The following NLGN4X variants were observed in gnomAD, a reference collection of about 807,000 sequenced individuals.
NLGN4X encodes the protein neuroligin-4, X-linked.
Under a neutral mutation model 40.3 loss-of-function variants are expected in NLGN4X, and 3 were observed. The ratio of observed to expected loss-of-function variants is 0.07; its 90% CI spans 0.03 to 0.19. The LOEUF (loss-of-function observed/expected upper bound fraction) is 0.19. NLGN4X is among the 10% of genes least tolerant of loss of function. NLGN4X has a pLI of 1.00. For synonymous variants in NLGN4X, 270 were observed against 306.8 expected (o/e 0.88, Z 1.25); for missense variants, 382 against 708.3 (o/e 0.54, Z 5.23).
At chrX:5,920,196 T>C (rs186558297) in intron 3 of NLGN4X, among the ~76,000 whole-genome samples, 33 of 111,867 alleles carry the variant, frequency 2.9e-4, no homozygotes, top group East Asian at 2.5e-3. Context: ...GGGAAATATG[T>C]TTAAAGGGTG....
intron 2 of NLGN4X, among the ~76,000 whole-genome samples, chrX:6,082,737 C>T (rs992392290): frequency 1.8e-5 from 2 of 109,310 alleles, no homozygotes; most frequent in South Asian, 4.0e-4. Context: ...TACAACTTAT[C>T]GGAAGGCAGC....
chrX:6,058,568 C>T (rs771627506), intron 2 of NLGN4X, among the ~76,000 whole-genome samples: 6 of 111,889 alleles, frequency 5.4e-5, no homozygotes, highest in Non-Finnish European at 1.1e-4. Flanking sequence ...GAAAAGGGAA[C>T]ATTATGTCTT....
At chrX:6,085,537 C>A (rs2038475898) in intron 2 of NLGN4X, among the ~76,000 whole-genome samples, 1 of 111,781 alleles carries the variant, frequency 8.9e-6, no homozygotes, top group Non-Finnish European at 1.9e-5. Flanking sequence ...AACATTAATT[C>A]TTCAACATCC....
chrX:6,158,262 T>C lies in NLGN4X; in HGVS notation c.-305-6491A>G, dbSNP rs184634440. ...GCCATGACTATTTTCTCTTCAAGAA[T>C]ATAGTCAGATAGACATCTTATGGTG... On this transcript the variant is annotated intron_variant, in intron 1 of 5. Coordinates refer to ENST00000381095, the MANE Select transcript of NLGN4X (RefSeq NM_181332.3). Among the ~76,000 whole-genome samples, 269 of 111,703 alleles carry C rather than the reference T, an allele frequency of 2.4e-3. 2 individuals carry two copies. Among genetic ancestry groups the C allele is most frequent in the African/African-American group, 8.5e-3 (262 of 30,748 alleles).
intron 3 of NLGN4X, among the ~76,000 whole-genome samples, chrX:5,969,066 A>C (rs1280030614): frequency 4.5e-5 from 5 of 111,299 alleles, no homozygotes; most frequent in African/African-American, 1.6e-4. Flanking sequence ...AAACCATAAA[A>C]ACCCTAGAAG....
chrX:6,167,015 T>C (rs1003785318), intron 1 of NLGN4X, among the ~76,000 whole-genome samples: 2 of 99,515 alleles, frequency 2.0e-5, no homozygotes, highest in African/African-American at 7.7e-5. Flanking sequence ...GAGGTTGGTG[T>C]GAGCCATGAT....
intron 1 of NLGN4X, among the ~76,000 whole-genome samples, chrX:6,222,800 T>C (rs192732584): frequency 8.9e-6 from 1 of 112,489 alleles, no homozygotes; most frequent in Non-Finnish European, 1.9e-5. Context: ...GCTATTCTTA[T>C]GATAGTGAGT....
At chrX:5,949,959 G>C (rs1291588660) in intron 3 of NLGN4X, among the ~76,000 whole-genome samples, 1 of 111,916 alleles carries the variant, frequency 8.9e-6, no homozygotes, top group Non-Finnish European at 1.9e-5. Flanking sequence ...CTGGAATGTA[G>C]CAAATGAAGG....
intron 2 of NLGN4X, among the ~76,000 whole-genome samples, chrX:6,055,398 G>C (rs1197423486): frequency 8.9e-6 from 1 of 111,964 alleles, no homozygotes; most frequent in Non-Finnish European, 1.9e-5. Context: ...AGGAAGCTGA[G>C]GCAGGAGGAT....
At chrX:5,929,324 G>A (rs184042189) in intron 3 of NLGN4X, among the ~76,000 whole-genome samples, 18 of 109,774 alleles carry the variant, frequency 1.6e-4, no homozygotes, top group Admixed American at 3.9e-4. Context: ...AAAATTAGCC[G>A]GGCATGGTGG....
chrX:6,121,900 G>C (rs1250175311), intron 2 of NLGN4X, among the ~76,000 whole-genome samples: 1 of 112,348 alleles, frequency 8.9e-6, no homozygotes, highest in Non-Finnish European at 1.9e-5. Flanking sequence ...TCTCATCTTC[G>C]TTATTCCGAA....
At chrX:5,996,000 T>C (rs1022974689) in intron 3 of NLGN4X, among the ~76,000 whole-genome samples, 6 of 111,905 alleles carry the variant, frequency 5.4e-5, no homozygotes, top group African/African-American at 1.6e-4. Flanking sequence ...TTAAACTTTT[T>C]TTATAAGCCC....
chrX:6,009,181 A>G (rs1159809034), intron 3 of NLGN4X, among the ~76,000 whole-genome samples: 1 of 112,103 alleles, frequency 8.9e-6, no homozygotes, highest in Non-Finnish European at 1.9e-5. Flanking sequence ...GCTATTGTGA[A>G]TAACATGGTT....
chrX:6,214,458 C>T (rs767658816), intron 1 of NLGN4X, among the ~76,000 whole-genome samples: 27 of 111,763 alleles, frequency 2.4e-4, no homozygotes, highest in African/African-American at 8.8e-4. Flanking sequence ...CAGGCTCACC[C>T]GCAAAAGAGG....
chrX:5,963,643 T>G (rs1229108867), intron 3 of NLGN4X, among the ~76,000 whole-genome samples: 4 of 111,997 alleles, frequency 3.6e-5, no homozygotes, highest in African/African-American at 1.3e-4. Context: ...CTAGAAAGGT[T>G]CAGAGGAACC....
At chrX:6,075,079 C>T (rs968966996) in intron 2 of NLGN4X, among the ~76,000 whole-genome samples, 1 of 111,581 alleles carries the variant, frequency 9.0e-6, no homozygotes, top group Non-Finnish European at 1.9e-5. Context: ...TTCTGGAAAG[C>T]CTGCTGCATG....
chrX:5,958,802 C>A (rs2034573768), intron 3 of NLGN4X, among the ~76,000 whole-genome samples: 1 of 112,189 alleles, frequency 8.9e-6, no homozygotes, highest in Non-Finnish European at 1.9e-5. Flanking sequence ...TGTAGAGATA[C>A]AGGCTATCGC....
intron 5 of NLGN4X, among the ~76,000 whole-genome samples, chrX:5,900,008 G>T (rs913558715): frequency 1.2e-4 from 14 of 112,344 alleles, no homozygotes; most frequent in Non-Finnish European, 2.6e-4. Flanking sequence ...GTATAGCCAT[G>T]TTGGGAAACT....
chrX:5,928,170 T>G (rs1233726130), intron 3 of NLGN4X, among the ~76,000 whole-genome samples: 1 of 112,437 alleles, frequency 8.9e-6, no homozygotes, highest in Admixed American at 9.5e-5. Context: ...TTAAAATGTA[T>G]TTTACGCAGG....
Sources: allele counts gnomAD v4.1 joint callset (sites outside exome capture counted in the v4.1 genomes callset), GRCh38; gene constraint gnomAD v4.1.1; transcripts MANE v1.5; gene names NCBI Gene and HGNC (gene_info 2026-07-23, HGNC 2026-07-21).